Variants in ARHGEF19 observed in about 807,000 individuals in gnomAD.
ARHGEF19 encodes Rho guanine nucleotide exchange factor (GEF) 19.
In ARHGEF19, 92 loss-of-function variants were observed where a neutral mutation model predicts 87.6. The ratio of observed to expected loss-of-function variants is 1.05; its 90% CI spans 0.89 to 1.25. ARHGEF19 has a LOEUF of 1.25. ARHGEF19 is among the 50% of genes most tolerant of loss of function. The pLI is 0.00. For missense variants in ARHGEF19, 1,054 were observed against 1,051.8 expected, an observed-to-expected ratio of 1.00 and a Z score of -0.03; for synonymous variants, 438 against 446.2, an observed-to-expected ratio of 0.98 and a Z score of 0.23.
In ARHGEF19 at chr1:16,202,414, A is replaced by G. The variant is rs752160925; in HGVS notation, c.2066+2T>C. ...CTCTCTCCCATATCCAGGCCCACTC[A>G]CTCCGTCCGGGCCCGCAGCAGGAAC... On this transcript the variant is annotated splice_donor_variant, in intron 13 of 15. Transcript: ENST00000270747. LOFTEE classifies it high-confidence loss of function. 6.2e-7 allele frequency: 1 copy of G among 1,609,588 alleles called. No individual in the cohort carries two copies. The highest frequency in any genetic ancestry group is 8.5e-7 in the Non-Finnish European group (1 of 1,178,024).
At position 16,206,226 on chromosome 1, in the gene ARHGEF19, G is replaced by A. The variant is rs1342682337; in HGVS notation, c.1252C>T (p.Gln418Ter). 1 of 1,597,882 alleles carries A rather than the reference G, an allele frequency of 6.3e-7. No individual in the cohort carries two copies. The highest frequency in any genetic ancestry group is 8.5e-7 in the Non-Finnish European group (1 of 1,172,222). ...TCGGGCAGTTTGGAAAACAGCCACT[G>A]CTTGTCCTGCGCCCCCAGACACTCG... is the stretch of plus-strand genomic sequence containing the variant. Reference protein sequence around the residue: ...LSECLGAQDKQWLFSKLPEVK... With the variant: ...LSECLGAQDK Residue 418 changes from glutamine (Q) to a stop codon, truncating the protein, a stop_gained, in exon 7 of 16, where the codon CAG becomes TAG. Transcript: ENST00000270747. LOFTEE classifies it high-confidence loss of function. The surrounding 1 kb of genome is among the most constrained non-coding windows in gnomAD (Gnocchi z 4.6).
At position 16,198,527 on chromosome 1, in the gene ARHGEF19, C is replaced by G; in HGVS notation, c.*60G>C. The G allele has an allele frequency of 1.3e-6, 2 of 1,500,838 alleles. No individual in the cohort carries two copies. The highest frequency in any genetic ancestry group is 4.3e-5 in the Admixed American group (2 of 46,324). The allele number at this position is 1,500,838 out of a possible 1,614,324, so 93.0% of individuals were successfully genotyped here. A position where few individuals can be genotyped will look rare whatever the true frequency, so the allele number is the denominator to read the frequency against. The stretch of plus-strand genomic sequence containing the variant: ...GCTTGGGGAATGGAGACACTGCAGG[C>G]CCCTCCAGGACCATCCAGGAGCCAG... On this transcript the variant is annotated 3_prime_UTR_variant, in exon 16 of 16. Transcript: ENST00000270747. The surrounding 1 kb of genome is among the most constrained non-coding windows in gnomAD (Gnocchi z 4.1).
chr1:16,202,264 G>C (rs2081089600), intron 13 of ARHGEF19, 152 bp downstream of exon 13: 1 of 1,233,132 alleles, frequency 8.1e-7, no homozygotes, highest in South Asian at 1.5e-5. Context: ...CCTGTGTCCT[G>C]CCCAAGTCAG....
chr1:16,206,040 G>A lies in ARHGEF19; in HGVS notation c.1342C>T (p.Arg448Cys), dbSNP rs759787427. ...AGCACCACGTCGCACACGCTGAAGC[G>A]CAGCACATCTGCCTCCAGCCGCTGC... ...LEQRLEADVL[R>C]FSVCDVVLDH... The change falls in exon 8 of 16, where the codon CGC becomes TGC. Residue 448 changes from arginine to cysteine, a missense_variant. Arg to Cys is a radical substitution (Grantham distance 180, BLOSUM62 -3). Coordinates refer to ENST00000270747, the MANE Select transcript of ARHGEF19 (RefSeq NM_153213.5). The surrounding 1 kb of genome is among the most constrained non-coding windows in gnomAD (Gnocchi z 4.6). 8 of 1,591,906 alleles carry A rather than the reference G, an allele frequency of 5.0e-6. No homozygotes were observed. Among genetic ancestry groups the A allele is most frequent in the African/African-American group, 4.0e-5 (3 of 74,676 alleles).
Position 16,198,591 on chromosome 1 carries a change from A to G in ARHGEF19, c.2405T>C (p.Val802Ala). Residue 802 changes from valine (V) to alanine (A), a missense_variant, in exon 16 of 16, where the codon GTG (valine) becomes GCG (alanine). By Grantham distance (64) the Val-to-Ala change is moderately conservative (BLOSUM62 0). Transcript: ENST00000270747. The surrounding 1 kb of genome is among the most constrained non-coding windows in gnomAD (Gnocchi z 4.1). ...SATSKLGEAP[V>A] ...GTCCTAGGCCATGGCTGCCCATCAC[A>G]CAGGAGCCTCCCCCAGTTTGCTGGT... is the stretch of plus-strand genomic sequence containing the variant. 1 of 1,607,394 alleles carries G rather than the reference A, an allele frequency of 6.2e-7. No individual in the cohort carries two copies. Among genetic ancestry groups the G allele is most frequent in the Non-Finnish European group, 8.5e-7 (1 of 1,176,366 alleles).
Position 16,209,104 on chromosome 1 carries a change from G to C in ARHGEF19, c.-29-21C>G, listed in dbSNP as rs561538742. 5.7e-6 allele frequency: 8 copies of C among 1,407,482 alleles called. No individual in the cohort carries two copies. In the East Asian group the frequency reaches 2.2e-4, roughly 38 times the overall value. 87.2% of individuals were successfully genotyped at this position (1,407,482 alleles called of 1,614,324 possible). A position where few individuals can be genotyped will look rare whatever the true frequency, so the allele number is the denominator to read the frequency against. On this transcript the variant is annotated intron_variant, in intron 1 of 15. Coordinates refer to ENST00000270747, the MANE Select transcript of ARHGEF19 (RefSeq NM_153213.5). ...TGGCCCTGCAGAAGAGAAGATATCA[G>C]ACCTAGACAGAGGACAGTGGGGCTG...
chr1:16,204,001 G>A (rs1025116538), intron 12 of ARHGEF19, among the ~76,000 whole-genome samples: 1 of 152,152 alleles, frequency 6.6e-6, no homozygotes, highest in African/African-American at 2.4e-5. Context: ...AAACAAATCA[G>A]GAATGAATTC....
In ARHGEF19 at chr1:16,205,468, C is replaced by G. The variant is rs779342160; in HGVS notation, c.1582-43G>C. 1.2e-6 allele frequency: 2 copies of G among 1,612,476 alleles called. No homozygotes were observed. The highest frequency in any genetic ancestry group is 1.7e-6 in the Non-Finnish European group (2 of 1,179,454). Reference sequence around the variant, plus strand: ...CACAATGAGGCAGTCCTCATACTCCCGAGACCCGGCCCGCCCACAGGTGTA... The same window carrying G: ...CACAATGAGGCAGTCCTCATACTCCGGAGACCCGGCCCGCCCACAGGTGTA... On this transcript the variant is annotated intron_variant, in intron 9 of 15. Transcript: ENST00000270747. This position sits in a 1 kb window ranked among gnomAD's most constrained non-coding sequence, Gnocchi z 5.8.
Position 16,205,521 on chromosome 1 carries a change from C to T in ARHGEF19, c.1581+17G>A. On this transcript the variant is annotated intron_variant, in intron 9 of 15. Coordinates refer to ENST00000270747, the MANE Select transcript of ARHGEF19 (RefSeq NM_153213.5). The surrounding 1 kb of genome is among the most constrained non-coding windows in gnomAD (Gnocchi z 5.8). Reference sequence around the variant, plus strand: ...TCCCTCGCCCAGCCCTCACTGTGGCCTGTCCCCTCGAGGTACCTCCACCAA... The same window carrying T: ...TCCCTCGCCCAGCCCTCACTGTGGCTTGTCCCCTCGAGGTACCTCCACCAA... 2 of 1,614,064 alleles carry T rather than the reference C, an allele frequency of 1.2e-6. No individual in the cohort carries two copies. The highest frequency in any genetic ancestry group is 2.7e-5 in the African/African-American group (2 of 75,054).
Position 16,208,759 on chromosome 1 carries a change from G to A in ARHGEF19, c.296C>T (p.Ala99Val), listed in dbSNP as rs754342051. 2.5e-6 allele frequency: 4 copies of A among 1,612,538 alleles called. No homozygotes were observed. The highest frequency in any genetic ancestry group is 3.4e-6 in the Non-Finnish European group (4 of 1,179,492). Reference protein sequence around the residue: ...ITSGGMRPSRAGSWPHCPGAQ... With the variant: ...ITSGGMRPSRVGSWPHCPGAQ... The stretch of plus-strand genomic sequence containing the variant: ...ACCAGGACAGTGTGGCCAGCTGCCA[G>A]CCCTGCTGGGCCGCATCCCCCCGCT... Residue 99 changes from alanine (A) to valine (V), a missense_variant, in exon 2 of 16, where the codon GCT becomes GTT. Physicochemically the swap from Ala to Val is moderately conservative, Grantham distance 64. Coordinates refer to ENST00000270747, the MANE Select transcript of ARHGEF19 (RefSeq NM_153213.5).
Position 16,199,143 on chromosome 1 carries a change from C to T in ARHGEF19, c.2251+7G>A. Reference sequence around the variant, plus strand: ...ATCAGGGACACTTTCCCAGGAGGCCCCCTCACCGTCACTGGTCCAGGTCCT... The same window carrying T: ...ATCAGGGACACTTTCCCAGGAGGCCTCCTCACCGTCACTGGTCCAGGTCCT... On this transcript the variant is annotated splice_region_variant and intron_variant, in intron 15 of 15. Coordinates refer to ENST00000270747, the MANE Select transcript of ARHGEF19 (RefSeq NM_153213.5). 1 of 1,613,898 alleles carries T rather than the reference C, an allele frequency of 6.2e-7. No homozygotes were observed. The highest frequency in any genetic ancestry group is 8.5e-7 in the Non-Finnish European group (1 of 1,179,860).
In ARHGEF19 at chr1:16,207,822, C is replaced by T. The variant is rs778673598; in HGVS notation, c.695-45G>A. On this transcript the variant is annotated intron_variant, in intron 3 of 15. Transcript: ENST00000270747. This position sits in a 1 kb window ranked among gnomAD's most constrained non-coding sequence, Gnocchi z 4.0. ...AGGGTGGGGGGTCCAGAGAGTGGGC[C>T]TGGGGCCTGGGCCCCGGCCCAGGCA... The T allele has an allele frequency of 1.9e-4, 299 of 1,605,720 alleles. No individual in the cohort carries two copies. Among genetic ancestry groups the T allele is most frequent in the Non-Finnish European group, 2.4e-4 (281 of 1,176,474 alleles).
chr1:16,210,651 G>A (rs1376051182), intron 1 of ARHGEF19, among the ~76,000 whole-genome samples: 1 of 152,206 alleles, frequency 6.6e-6, no homozygotes. Context: ...ATGCCCGTGG[G>A]CTGCCAGTCT....
At position 16,207,032 on chromosome 1, in the gene ARHGEF19, G is replaced by C; in HGVS notation, c.1053C>G (p.Thr351=). The C allele has an allele frequency of 6.6e-7, 1 of 1,514,340 alleles. No individual in the cohort carries two copies. Among genetic ancestry groups the C allele is most frequent in the Non-Finnish European group, 8.8e-7 (1 of 1,133,940 alleles). 93.8% of individuals were successfully genotyped at this position (1,514,340 alleles called of 1,614,324 possible). ...CGGGGATATCCTGCCACAGCGAGAA[G>C]GTGGAGCCTCGCGCCGAGCGCTGCG... ...FRAQRSARGS[T]FSLWQDIPDV... The change falls in exon 6 of 16, where the codon ACC becomes ACG. Residue 351 remains threonine (T), a synonymous_variant. Coordinates refer to ENST00000270747, the MANE Select transcript of ARHGEF19 (RefSeq NM_153213.5). This position sits in a 1 kb window ranked among gnomAD's most constrained non-coding sequence, Gnocchi z 4.0.
rs776222703 is a variant in ARHGEF19, at chr1:16,202,489, C to T, written c.1993G>A (p.Gly665Ser). ...DLSLKLQGIP[G>S]HVFLLQLLHG... Reference sequence around the variant, plus strand: ...AGGAGCTGGAGGAGGAACACGTGGCCGGGGATGCCCTGCAGCTTCAGGCTC... The same window carrying T: ...AGGAGCTGGAGGAGGAACACGTGGCTGGGGATGCCCTGCAGCTTCAGGCTC... Residue 665 changes from glycine (G) to serine (S), a missense_variant, in exon 13 of 16, where the codon GGC becomes AGC. Transcript: ENST00000270747. The T allele has an allele frequency of 1.8e-5, 29 of 1,614,046 alleles. No homozygotes were observed. Among genetic ancestry groups the T allele is most frequent in the East Asian group, 4.5e-5 (2 of 44,900 alleles).
chr1:16,210,036 G>A (rs1038226586), intron 1 of ARHGEF19, among the ~76,000 whole-genome samples: 1 of 152,258 alleles, frequency 6.6e-6, no homozygotes, highest in East Asian at 1.9e-4. Context: ...TATCCCTGGG[G>A]AGCCAGCCCT....
chr1:16,205,593 G>A lies in ARHGEF19; in HGVS notation c.1526C>T (p.Thr509Ile). 1 of 1,614,034 alleles carries A rather than the reference G, an allele frequency of 6.2e-7. No homozygotes were observed. The highest frequency in any genetic ancestry group is 8.5e-7 in the Non-Finnish European group (1 of 1,179,958). The change falls in exon 9 of 16, where the codon ACC becomes ATC. Residue 509 changes from threonine (T) to isoleucine (I), a missense_variant. By Grantham distance (89) the Thr-to-Ile change is moderately conservative. Coordinates refer to ENST00000270747, the MANE Select transcript of ARHGEF19 (RefSeq NM_153213.5). The surrounding 1 kb of genome is among the most constrained non-coding windows in gnomAD (Gnocchi z 5.8). ...CTGGAAGGGCAGGATAAGGAAGGAG[G>A]TAAGGGGCAGACGCTGGCACACAGG... ...ESPVCQRLPLTSFLILPFQRI... is the reference protein window; with the variant it reads ...ESPVCQRLPLISFLILPFQRI...
Position 16,207,655 on chromosome 1 carries a change from G to T in ARHGEF19, c.797+20C>A. 6.2e-7 allele frequency: 1 copy of T among 1,614,100 alleles called. No homozygotes were observed. Reference sequence around the variant, plus strand: ...CGCCTGCACCCTGTCTCGGACCCAAGCCCAAACGGGAGGTGGTACCTGGGC... The same window carrying T: ...CGCCTGCACCCTGTCTCGGACCCAATCCCAAACGGGAGGTGGTACCTGGGC... On this transcript the variant is annotated intron_variant, in intron 4 of 15. Transcript: ENST00000270747. This position sits in a 1 kb window ranked among gnomAD's most constrained non-coding sequence, Gnocchi z 4.0.
chr1:16,202,422 C>T lies in ARHGEF19; in HGVS notation c.2060G>A (p.Arg687Gln), dbSNP rs750689438. 62 of 1,612,224 alleles carry T rather than the reference C, an allele frequency of 3.8e-5. 1 individual carries two copies. The South Asian group carries it at 4.7e-4, about 12-fold the overall frequency. Residue 687 changes from arginine (R) to glutamine (Q), a missense_variant, in exon 13 of 16, where the codon CGG (arginine) becomes CAG (glutamine). By Grantham distance (43) the Arg-to-Gln change is conservative. Transcript: ENST00000270747. ...HMKHQFLLRA[R>Q]TESEKQRWIS... Reference sequence around the variant, plus strand: ...CATATCCAGGCCCACTCACTCCGTCCGGGCCCGCAGCAGGAACTGGTGCTT... The same window carrying T: ...CATATCCAGGCCCACTCACTCCGTCTGGGCCCGCAGCAGGAACTGGTGCTT...
Sources: gnomAD v4.1 joint callset for allele counts (sites outside exome capture counted in the v4.1 genomes callset) on GRCh38, gnomAD v4.1.1 for gene constraint, Gnocchi (gnomAD v3.1) non-coding constraint, MANE v1.5 for transcripts, NCBI Gene and HGNC (gene_info 2026-07-23, HGNC 2026-07-21) for gene names.